The following PPFIBP2 variants were observed in gnomAD, a reference collection of about 807,000 sequenced individuals.
The protein encoded by PPFIBP2 is liprin-beta-2.
A neutral mutation model predicts 118.3 loss-of-function variants in PPFIBP2; 118 were observed. That is an observed-to-expected ratio of 1.00 (90% confidence interval 0.86 to 1.16). The LOEUF is 1.16. PPFIBP2 is among the 50% of genes most tolerant of loss of function. The probability of loss-of-function intolerance (pLI) is 0.00; values close to 1 mark genes in which losing one functional copy is unlikely to be tolerated. For synonymous variants in PPFIBP2, 414 were observed against 397.4 expected, an observed-to-expected ratio of 1.04 and a Z score of -0.50; for missense variants, 1,195 against 1,073.1, an observed-to-expected ratio of 1.11 and a Z score of -1.59.
intron 5 of PPFIBP2, among the ~76,000 whole-genome samples, chr11:7,609,941 C>T (rs149203242): frequency 3.7e-4 from 57 of 152,024 alleles, no homozygotes; most frequent in African/African-American, 1.2e-3. Flanking sequence ...AAGCGAGGAC[C>T]TACTGCTTTG....
chr11:7,660,041 A>G (rs12277810), downstream of PPFIBP2, among the ~76,000 whole-genome samples: 1,712 of 124,226 alleles, frequency 0.014, 191 homozygotes, highest in African/African-American at 0.042. Context: ...GCTGAAGGAG[A>G]TTTTGGGCTG....
At position 7,576,285 on chromosome 11, in the gene PPFIBP2, G is replaced by A. The variant is rs58407183; in HGVS notation, c.279+10518G>A. ...TGCGTGTAACCACAGTTCCCACCGT[G>A]TAACCACAGTTCCCACCGCACCCAC... On this transcript the variant is annotated intron_variant, in intron 3 of 23. Transcript: ENST00000299492. The A allele has an allele frequency of 4.6e-3, 704 of 152,328 alleles. 7 individuals are homozygous for A. The highest frequency in any genetic ancestry group is 0.016 in the African/African-American group (685 of 41,560). 9.4% of individuals were successfully genotyped at this position (152,328 alleles called of 1,614,324 possible). A position where few individuals can be genotyped will look rare whatever the true frequency, so the allele number is the denominator to read the frequency against.
intron 15 of PPFIBP2, 42 bp downstream of exon 15, chr11:7,639,912 C>T: frequency 4.4e-6 from 7 of 1,582,430 alleles, no homozygotes; most frequent in Non-Finnish European, 6.0e-6. Context: ...TGAGCAGTGT[C>T]CTTGGCACTT....
intron 11 of PPFIBP2, 111 bp from the exon 12 acceptor site, chr11:7,632,756 A>C: frequency 3.7e-6 from 3 of 804,242 alleles, no homozygotes; most frequent in Non-Finnish European, 6.4e-6. Flanking sequence ...CCATGGCTGC[A>C]CCCAGGGAGG....
chr11:7,603,691 GAA>G (rs1458665680), intron 5 of PPFIBP2, among the ~76,000 whole-genome samples: 1 of 152,252 alleles, frequency 6.6e-6, no homozygotes, highest in East Asian at 1.9e-4. Flanking sequence ...CTGAGTTTTG[GAA>G]AAAGGAAATG....
chr11:7,587,200 T>C (rs1440159550), intron 3 of PPFIBP2, among the ~76,000 whole-genome samples: 1 of 152,184 alleles, frequency 6.6e-6, no homozygotes, highest in African/African-American at 2.4e-5. Flanking sequence ...CAAAGGACAC[T>C]GAGTGCCCTT....
At chr11:7,618,885 G>GTTTTTTTTTTT (rs36101082) in intron 6 of PPFIBP2, among the ~76,000 whole-genome samples, 1 of 124,552 alleles carries the variant, frequency 8.0e-6, no homozygotes, top group African/African-American at 3.1e-5. Context: ...CCATCCAGAA[G>GTTTTTTTTTTT]TTTTTTTTTT....
Position 7,630,921 on chromosome 11 carries a change from G to C in PPFIBP2, c.965-4G>C. ...ATTCAGTCTTACTACCTTAATGCTT[G>C]CAGGGCCTTCGGAGAGAACTCTCTC... is the stretch of plus-strand genomic sequence containing the variant. On this transcript the variant is annotated splice_polypyrimidine_tract_variant and splice_region_variant and intron_variant, in intron 10 of 23. Transcript: ENST00000299492. 6.2e-7 allele frequency: 1 copy of C among 1,611,504 alleles called. No homozygotes were observed. The highest frequency in any genetic ancestry group is 8.5e-7 in the Non-Finnish European group (1 of 1,177,626).
Position 7,648,439 on chromosome 11 carries a change from C to T in PPFIBP2, c.1699C>T (p.Leu567=), listed in dbSNP as rs745890752. The T allele has an allele frequency of 3.1e-6, 5 of 1,614,110 alleles. No homozygotes were observed. Among genetic ancestry groups the T allele is most frequent in the South Asian group, 1.1e-5 (1 of 91,074 alleles). The change falls in exon 18 of 24, where the codon CTG becomes TTG. Residue 567 remains leucine, a synonymous_variant. Transcript: ENST00000299492. ...QWSTERVCAW[L]EDFGLAQYVI... ...GAGCACAGAGCGTGTGTGTGCATGGCTGGAGGACTTTGGCCTGGCTCAGTA... is the reference window on the plus strand; with the variant it reads ...GAGCACAGAGCGTGTGTGTGCATGGTTGGAGGACTTTGGCCTGGCTCAGTA...
intron 11 of PPFIBP2, chr11:7,631,238 T>A: frequency 1.9e-6 from 1 of 520,524 alleles, no homozygotes; most frequent in Non-Finnish European, 3.4e-6. Flanking sequence ...GCATGGTGGA[T>A]ACTGGAACTT....
chr11:7,657,865 G>A (rs1014481334), downstream of PPFIBP2, among the ~76,000 whole-genome samples: 13 of 152,172 alleles, frequency 8.5e-5, no homozygotes, highest in African/African-American at 2.9e-4. Flanking sequence ...TACCATACCC[G>A]TCCTCACCAC....
chr11:7,648,102 A>G, intron 17 of PPFIBP2: 1 of 347,316 alleles, frequency 2.9e-6, no homozygotes, highest in Non-Finnish European at 5.3e-6. Context: ...GACCTAGGAC[A>G]TGTGAACATG....
chr11:7,586,042 G>A (rs936830439), intron 3 of PPFIBP2, among the ~76,000 whole-genome samples: 1 of 152,238 alleles, frequency 6.6e-6, no homozygotes, highest in African/African-American at 2.4e-5. Context: ...CTTGTTCAGG[G>A]ATAGTGGAGA....
At chr11:7,640,714 C>T (rs1852060437) in intron 15 of PPFIBP2, among the ~76,000 whole-genome samples, 1 of 152,190 alleles carries the variant, frequency 6.6e-6, no homozygotes, top group Non-Finnish European at 1.5e-5. Flanking sequence ...TGAGCCCAGG[C>T]ACCTGCACAA....
At chr11:7,569,896 G>A (rs1174450840) in intron 3 of PPFIBP2, among the ~76,000 whole-genome samples, 1 of 152,200 alleles carries the variant, frequency 6.6e-6, no homozygotes, top group Non-Finnish European at 1.5e-5. Context: ...ATGCCCTCGG[G>A]AGGGTGTGGT....
chr11:7,560,098 G>GA (rs964737155), intron 2 of PPFIBP2, among the ~76,000 whole-genome samples: 3 of 152,132 alleles, frequency 2.0e-5, no homozygotes, highest in African/African-American at 4.8e-5. Flanking sequence ...ATTGTTCTGT[G>GA]AAAATACTAC....
At chr11:7,568,160 G>A (rs561184282) in intron 3 of PPFIBP2, among the ~76,000 whole-genome samples, 32 of 152,258 alleles carry the variant, frequency 2.1e-4, no homozygotes, top group South Asian at 4.1e-4. Context: ...ACTCTGCCTC[G>A]TGACACCTAT....
At chr11:7,631,877 T>C (rs78215109) in intron 11 of PPFIBP2, among the ~76,000 whole-genome samples, 14 of 152,190 alleles carry the variant, frequency 9.2e-5, no homozygotes, top group Non-Finnish European at 1.8e-4. Flanking sequence ...TGGCAGAATA[T>C]GGACTTGAAC....
chr11:7,546,485 CG>C (rs1564958495), intron 1 of PPFIBP2, among the ~76,000 whole-genome samples: 1 of 152,166 alleles, frequency 6.6e-6, no homozygotes, highest in Non-Finnish European at 1.5e-5. Context: ...CCTTCTGTTG[CG>C]GGGGCACATA....
Sources: allele counts gnomAD v4.1 joint callset (sites outside exome capture counted in the v4.1 genomes callset), GRCh38; gene constraint gnomAD v4.1.1; transcripts MANE v1.5; gene names NCBI Gene and HGNC (gene_info 2026-07-23, HGNC 2026-07-21).